HP1BP3: variants seen among roughly 807,000 people sequenced by gnomAD.
HP1BP3 encodes the protein heterochromatin protein 1 binding protein 3.
A neutral mutation model predicts 62.5 loss-of-function variants in HP1BP3; 12 were observed. The ratio of observed to expected loss-of-function variants is 0.19; its 90% CI spans 0.12 to 0.31. HP1BP3 has a LOEUF of 0.31. Among genes scored for constraint, HP1BP3 ranks in the 10% least tolerant of loss-of-function variants. The pLI, the probability that HP1BP3 is intolerant of heterozygous loss-of-function variation, is 1.00. For missense variants in HP1BP3, 502 were observed against 651.8 expected, an observed-to-expected ratio of 0.77 and a Z score of 2.50; for synonymous variants, 260 against 237.8, an observed-to-expected ratio of 1.09 and a Z score of -0.86.
chr1:20,784,360 T>C (rs1261202476), intron 1 of HP1BP3, among the ~76,000 whole-genome samples: 2 of 152,168 alleles, frequency 1.3e-5, no homozygotes, highest in African/African-American at 4.8e-5. Flanking sequence ...GGATCTTATC[T>C]ACCTGGTTCA....
chr1:20,743,710 G>T lies in HP1BP3; in HGVS notation c.*1087C>A, dbSNP rs927709006. The T allele has an allele frequency of 6.6e-6, 1 of 151,880 alleles. No individual in the cohort carries two copies. The highest frequency in any genetic ancestry group is 1.9e-4 in the East Asian group (1 of 5,170). The allele number at this position is 151,880 out of a possible 1,614,324, so 9.4% of individuals were successfully genotyped here. Reference sequence around the variant, plus strand: ...TAAAAAAGATTTGTTTTGATTTTTGGTAACACAGGTGACACCAGAAATCAC... The same window carrying T: ...TAAAAAAGATTTGTTTTGATTTTTGTTAACACAGGTGACACCAGAAATCAC... On this transcript the variant is annotated 3_prime_UTR_variant, in exon 13 of 13. Coordinates refer to ENST00000438032, the MANE Select transcript of HP1BP3 (RefSeq NM_001372052.1).
chr1:20,751,976 T>G (rs993452925), intron 9 of HP1BP3, among the ~76,000 whole-genome samples: 2 of 151,950 alleles, frequency 1.3e-5, no homozygotes, highest in East Asian at 2.0e-4. Flanking sequence ...AAAACTAAGA[T>G]ATGCCAGACG....
Position 20,740,860 on chromosome 1 carries a change from G to A in HP1BP3, c.*3937C>T, listed in dbSNP as rs183448758. Among the ~76,000 whole-genome samples the A allele has an allele frequency of 3.9e-3, 601 of 152,296 alleles. 4 individuals carry two copies. Among genetic ancestry groups the A allele is most frequent in the Non-Finnish European group, 6.6e-3 (448 of 68,024 alleles). ...AGAATATAGTTATAAAGACGGTAGAGATTAATTTCTTAAGAAAATAATGCA... is the reference window on the plus strand; with the variant it reads ...AGAATATAGTTATAAAGACGGTAGAAATTAATTTCTTAAGAAAATAATGCA... On this transcript the variant is annotated 3_prime_UTR_variant, in exon 13 of 13. Coordinates refer to ENST00000438032, the MANE Select transcript of HP1BP3 (RefSeq NM_001372052.1).
chr1:20,775,858 TATG>T, intron 4 of HP1BP3: 1 of 1,182,790 alleles, frequency 8.5e-7, no homozygotes, highest in South Asian at 1.6e-5. Context: ...AAGTACACTT[TATG>T]ATGTTGGCAC....
At chr1:20,782,786 G>A (rs1041825835) in intron 1 of HP1BP3, among the ~76,000 whole-genome samples, 3 of 151,362 alleles carry the variant, frequency 2.0e-5, no homozygotes, top group Non-Finnish European at 4.4e-5. Flanking sequence ...TGTAATCCCA[G>A]ATACTTGGGA....
In HP1BP3 at chr1:20,744,749, A is replaced by G. The variant is rs1263240398; in HGVS notation, c.*48T>C. Reference sequence around the variant, plus strand: ...CTAAACAAATGCACACTGACCTTAGAAAATAAGATTTTGAATTTCATCATG... The same window carrying G: ...CTAAACAAATGCACACTGACCTTAGGAAATAAGATTTTGAATTTCATCATG... On this transcript the variant is annotated 3_prime_UTR_variant, in exon 13 of 13. Coordinates refer to ENST00000438032, the MANE Select transcript of HP1BP3 (RefSeq NM_001372052.1). 2.7e-6 allele frequency: 4 copies of G among 1,500,548 alleles called. No individual in the cohort carries two copies. Among genetic ancestry groups the G allele is most frequent in the Non-Finnish European group, 3.6e-6 (4 of 1,108,928 alleles). 93.0% of individuals were successfully genotyped at this position (1,500,548 alleles called of 1,614,324 possible). A position where few individuals can be genotyped will look rare whatever the true frequency, so the allele number is the denominator to read the frequency against.
Position 20,776,681 on chromosome 1 carries a change from G to A in HP1BP3, c.266C>T (p.Thr89Ile), listed in dbSNP as rs778039373. The change falls in exon 4 of 13, where the codon ACT (threonine) becomes ATT (isoleucine). Residue 89 changes from threonine (T) to isoleucine (I), a missense_variant. By Grantham distance (89) the Thr-to-Ile change is moderately conservative. Transcript: ENST00000438032. Reference sequence around the variant, plus strand: ...CTTTGGCTGCTCTGCCTCACTCGAAGTAGCAGGTGGAGTTTCATTCTCTTG... The same window carrying A: ...CTTTGGCTGCTCTGCCTCACTCGAAATAGCAGGTGGAGTTTCATTCTCTTG... ...EEQENETPPA[T>I]SSEAEQPKGE... is the part of the protein sequence containing the mutation. The A allele has an allele frequency of 1.9e-6, 3 of 1,613,736 alleles. No individual in the cohort carries two copies. The highest frequency in any genetic ancestry group is 1.7e-6 in the Non-Finnish European group (2 of 1,179,858).
At chr1:20,783,470 G>A (rs1015086805) in intron 1 of HP1BP3, among the ~76,000 whole-genome samples, 2 of 151,792 alleles carry the variant, frequency 1.3e-5, no homozygotes, top group Non-Finnish European at 2.9e-5. Flanking sequence ...AGTGACCTGA[G>A]ATCATGCCAC....
chr1:20,765,490 C>T lies in HP1BP3; in HGVS notation c.777G>A (p.Leu259=), dbSNP rs939039679. The change falls in exon 8 of 13, where the codon TTG becomes TTA. Residue 259 remains leucine, a synonymous_variant. Transcript: ENST00000438032. ...SAVDPEPQVK[L]EDVLPLAFTR... Reference sequence around the variant, plus strand: ...TAAAGGCCAGTGGGAGGACATCCTCCAATTTTACTTGTGGTTCTGGATCCA... The same window carrying T: ...TAAAGGCCAGTGGGAGGACATCCTCTAATTTTACTTGTGGTTCTGGATCCA... The T allele has an allele frequency of 6.2e-7, 1 of 1,613,502 alleles. No homozygotes were observed. Among genetic ancestry groups the T allele is most frequent in the Non-Finnish European group, 8.5e-7 (1 of 1,179,614 alleles).
chr1:20,782,165 T>C (rs1278848586), intron 1 of HP1BP3, among the ~76,000 whole-genome samples: 2 of 152,154 alleles, frequency 1.3e-5, no homozygotes, highest in African/African-American at 2.4e-5. Context: ...CCATTTGGTG[T>C]AGTAGCTCAT....
At chr1:20,767,799 T>C (rs1570630775) in intron 6 of HP1BP3, 135 bp from the exon 7 acceptor site, 2 of 610,402 alleles carry the variant, frequency 3.3e-6, no homozygotes, top group South Asian at 2.1e-5. Flanking sequence ...AAACAGTCAA[T>C]GCAGAGTCAA....
intron 1 of HP1BP3, among the ~76,000 whole-genome samples, chr1:20,782,950 A>T (rs1367563744): frequency 6.6e-6 from 1 of 151,588 alleles, no homozygotes; most frequent in African/African-American, 2.4e-5. Context: ...CCACACACAC[A>T]AAAGATAAAA....
intron 5 of HP1BP3, among the ~76,000 whole-genome samples, chr1:20,772,616 A>G (rs897570535): frequency 6.6e-6 from 1 of 152,244 alleles, no homozygotes; most frequent in African/African-American, 2.4e-5. Flanking sequence ...AATGACAACC[A>G]GGCTGCTCCT....
At chr1:20,757,282 AGTG>A in intron 8 of HP1BP3, 26 bp from the exon 9 acceptor site, 1 of 1,409,492 alleles carries the variant, frequency 7.1e-7, no homozygotes, top group Non-Finnish European at 9.9e-7. Flanking sequence ...AAAAAAAAAT[AGTG>A]ATAAATACAT....
intron 1 of HP1BP3, among the ~76,000 whole-genome samples, chr1:20,781,611 AT>A (rs1230957428): frequency 1.3e-5 from 2 of 152,202 alleles, no homozygotes; most frequent in African/African-American, 4.8e-5. Context: ...GAACCAGAAT[AT>A]CCATTAATAT....
chr1:20,758,484 C>A (rs2056263115), intron 8 of HP1BP3, among the ~76,000 whole-genome samples: 1 of 151,908 alleles, frequency 6.6e-6, no homozygotes, highest in Non-Finnish European at 1.5e-5. Context: ...GTAGCTGGGA[C>A]TACAGGCGCG....
At chr1:20,759,592 A>C (rs1259522482) in intron 8 of HP1BP3, among the ~76,000 whole-genome samples, 1 of 152,168 alleles carries the variant, frequency 6.6e-6, no homozygotes, top group Non-Finnish European at 1.5e-5. Flanking sequence ...CCATGCTGGC[A>C]CCCTGATCTC....
chr1:20,770,548 C>G (rs922908296), intron 6 of HP1BP3, among the ~76,000 whole-genome samples: 2 of 152,106 alleles, frequency 1.3e-5, no homozygotes, highest in Non-Finnish European at 2.9e-5. Context: ...CTCCTGGGCT[C>G]AAGTGATCCT....
chr1:20,769,390 T>G (rs2056946663), intron 6 of HP1BP3, among the ~76,000 whole-genome samples: 1 of 151,970 alleles, frequency 6.6e-6, no homozygotes, highest in Non-Finnish European at 1.5e-5. Context: ...AAACCTTGTC[T>G]CTACAAAGAA....
Sources: allele counts gnomAD v4.1 joint callset (sites outside exome capture counted in the v4.1 genomes callset), GRCh38; gene constraint gnomAD v4.1.1; transcripts MANE v1.5; gene names NCBI Gene and HGNC (gene_info 2026-07-23, HGNC 2026-07-21).